Variants in RBFOX1 observed in about 807,000 individuals in gnomAD.
The protein encoded by RBFOX1 is RNA binding protein fox-1 homolog 1.
In RBFOX1, 8 loss-of-function variants were observed where a neutral mutation model predicts 57.7. That is an observed-to-expected ratio of 0.14 (90% CI 0.08 to 0.25). RBFOX1 has a LOEUF of 0.25. Ranked by LOEUF, RBFOX1 falls within the 10% of genes least tolerant of loss-of-function variation. RBFOX1 has a pLI of 1.00. For synonymous variants in RBFOX1, 326 were observed against 222.4 expected, an observed-to-expected ratio of 1.47 and a Z score of -4.15; for missense variants, 611 against 548.5, an observed-to-expected ratio of 1.11 and a Z score of -1.14.
intron 4 of RBFOX1, among the ~76,000 whole-genome samples, chr16:7,436,865 C>A (rs564622760): frequency 2.0e-5 from 3 of 152,106 alleles, no homozygotes; most frequent in African/African-American, 7.2e-5. Flanking sequence ...AGTTTGAGAC[C>A]AGCCTGGCAA....
intron 5 of RBFOX1, among the ~76,000 whole-genome samples, chr16:7,540,677 G>T (rs17144031): frequency 1.3e-5 from 2 of 152,008 alleles, no homozygotes; most frequent in Admixed American, 1.3e-4. Flanking sequence ...AGGCTTAACC[G>T]TTAGTACTTC....
rs951942828 is a variant in RBFOX1 at position 7,187,645 on chromosome 16, T to C, written c.27+135547T>C. Among the ~76,000 whole-genome samples, 11 of 122,044 alleles carry C rather than the reference T, an allele frequency of 9.0e-5. No individual in the cohort carries two copies. In the South Asian group the frequency reaches 1.1e-3, roughly 12 times the overall value. 80.1% of individuals were successfully genotyped at this position (122,044 alleles called of 152,430 possible). A position where few individuals can be genotyped will look rare whatever the true frequency, so the allele number is the denominator to read the frequency against. ...CAGAGCTTGCAGTGAGCCGAGATCG[T>C]GCCACTGCAGTCCAGCCTGGGCAAC... On this transcript the variant is annotated intron_variant, in intron 4 of 15. Transcript: ENST00000550418.
intron 1 of RBFOX1, among the ~76,000 whole-genome samples, chr16:6,180,958 C>T (rs1384954497): frequency 1.3e-5 from 2 of 152,130 alleles, no homozygotes; most frequent in African/African-American, 4.8e-5. Flanking sequence ...TGTTCAGACA[C>T]CTTGAGCACT....
At chr16:7,686,755 A>C (rs1394651705) in intron 14 of RBFOX1, among the ~76,000 whole-genome samples, 3 of 152,116 alleles carry the variant, frequency 2.0e-5, no homozygotes, top group African/African-American at 7.2e-5. Flanking sequence ...TATATGCAAC[A>C]AAGCATGGTT....
chr16:6,784,792 C>G (rs1266307181), intron 3 of RBFOX1, among the ~76,000 whole-genome samples: 2 of 151,740 alleles, frequency 1.3e-5, no homozygotes, highest in Non-Finnish European at 2.9e-5. Flanking sequence ...CTGGAATTTT[C>G]TATTTAGCCA....
chr16:5,697,031 G>A (rs890660154), intron 3 of RBFOX1, among the ~76,000 whole-genome samples: 3 of 152,082 alleles, frequency 2.0e-5, no homozygotes, highest in Non-Finnish European at 4.4e-5. Flanking sequence ...TCATGCCTCA[G>A]CCTCCCGAGT....
At chr16:6,762,341 T>C (rs1305377170) in intron 3 of RBFOX1, among the ~76,000 whole-genome samples, 1 of 152,182 alleles carries the variant, frequency 6.6e-6, no homozygotes, top group Non-Finnish European at 1.5e-5. Flanking sequence ...CAATGTTGGC[T>C]TTTTCAAAGT....
intron 2 of RBFOX1, among the ~76,000 whole-genome samples, chr16:6,613,450 C>T (rs1205718562): frequency 3.9e-5 from 6 of 152,042 alleles, no homozygotes; most frequent in South Asian, 4.2e-4. Flanking sequence ...AACCCTTAGG[C>T]CCCCTTAAAG....
At chr16:5,367,430 C>A (rs1419695304) in intron 1 of RBFOX1, among the ~76,000 whole-genome samples, 1 of 152,162 alleles carries the variant, frequency 6.6e-6, no homozygotes, top group Non-Finnish European at 1.5e-5. Context: ...AACTGTCTCT[C>A]CAAGCTGCAG....
At chr16:5,368,966 A>C (rs983842371) in intron 1 of RBFOX1, among the ~76,000 whole-genome samples, 6 of 152,114 alleles carry the variant, frequency 3.9e-5, no homozygotes, top group African/African-American at 1.4e-4. Flanking sequence ...TCTTGGTATT[A>C]TTTTCAAAAG....
Position 5,371,171 on chromosome 16 carries a change from C to G in RBFOX1, c.220-96045C>G, listed in dbSNP as rs2065848041. Among the ~76,000 whole-genome samples the G allele has an allele frequency of 2.0e-5, 3 of 152,192 alleles. No individual in the cohort carries two copies. In the South Asian group the frequency reaches 6.2e-4, roughly 32 times the overall value. ...CCATATTGGTCAGGCTAGTCTCAAA[C>G]TCCTGACCTCAGGTGATCCGCCCAC... On this transcript the variant is annotated intron_variant, in intron 1 of 2. Coordinates refer to the RBFOX1 transcript ENST00000585867.
chr16:6,256,189 A>ATATATATATATACG (rs1262901894), intron 1 of RBFOX1, among the ~76,000 whole-genome samples: 2 of 22,610 alleles, frequency 8.8e-5, no homozygotes, highest in Admixed American at 6.3e-4. Context: ...ATATATACGT[A>ATATATATATATACG]TATATATGTA....
rs377716383 is a variant in RBFOX1 at position 5,342,880 on chromosome 16, AGTTTGTGGGGTATAGG to A, written c.219+102777_219+102792del. On this transcript the variant is annotated intron_variant, in intron 1 of 2. Transcript: ENST00000585867. ...TCCCTATTGTACAGCAGAGCCATGCAGTTTGTGGGGTATAGGGAGATTAACCCCTACCCCACAAGCC... is the reference window on the plus strand; with the variant it reads ...TCCCTATTGTACAGCAGAGCCATGCAGAGATTAACCCCTACCCCACAAGCC... Among the ~76,000 whole-genome samples the A allele has an allele frequency of 9.8e-4, 150 of 152,328 alleles. 1 individual carries two copies. The Middle Eastern group carries it at 0.01, about 10-fold the overall frequency.
At chr16:5,888,757 A>T (rs901558521) in intron 4 of RBFOX1, among the ~76,000 whole-genome samples, 3 of 144,450 alleles carry the variant, frequency 2.1e-5, no homozygotes. Context: ...CGATCGTGCC[A>T]CTGCACTCCA....
At chr16:6,453,554 A>T (rs1040982319) in intron 2 of RBFOX1, among the ~76,000 whole-genome samples, 6 of 152,126 alleles carry the variant, frequency 3.9e-5, no homozygotes, top group Non-Finnish European at 8.8e-5. Flanking sequence ...CTACCAACCA[A>T]AAAAAAGCCC....
intron 3 of RBFOX1, among the ~76,000 whole-genome samples, chr16:6,818,576 G>T (rs543406972): frequency 5.9e-5 from 9 of 152,270 alleles, no homozygotes; most frequent in African/African-American, 1.9e-4. Context: ...TTCTAAAGTT[G>T]CTATGGCACT....
chr16:6,703,090 C>T (rs985560649), intron 3 of RBFOX1, among the ~76,000 whole-genome samples: 2 of 152,120 alleles, frequency 1.3e-5, no homozygotes, highest in African/African-American at 4.8e-5. Context: ...TTCTTATTTC[C>T]TTCGTTTTTA....
intron 2 of RBFOX1, among the ~76,000 whole-genome samples, chr16:6,576,611 G>A (rs2097441425): frequency 1.3e-5 from 2 of 151,976 alleles, no homozygotes; most frequent in Admixed American, 1.3e-4. Context: ...CTCCAACTGG[G>A]AGGAAATAAC....
chr16:7,536,618 TAAAAG>T (rs2081535468), intron 5 of RBFOX1, among the ~76,000 whole-genome samples: 1 of 151,994 alleles, frequency 6.6e-6, no homozygotes, highest in African/African-American at 2.4e-5. Context: ...AATTAATAAA[TAAAAG>T]AAAGACATGC....
Sources: allele counts gnomAD v4.1 joint callset (sites outside exome capture counted in the v4.1 genomes callset), GRCh38; gene constraint gnomAD v4.1.1; transcripts MANE v1.5; gene names NCBI Gene and HGNC (gene_info 2026-07-23, HGNC 2026-07-21).